Variants in ELN observed in about 807,000 individuals in gnomAD.
ELN encodes tropoelastin.
A neutral mutation model predicts 105.8 loss-of-function variants in ELN; 65 were observed. That is an observed-to-expected ratio of 0.61 (90% CI 0.50 to 0.75). The LOEUF is 0.75. ELN is among the 30% of genes least tolerant of loss of function. The pLI is 0.00. For missense variants in ELN, 882 were observed against 969.4 expected, an observed-to-expected ratio of 0.91 and a Z score of 1.20; for synonymous variants, 368 against 389.2, an observed-to-expected ratio of 0.95 and a Z score of 0.64.
At chr7:74,055,948 G>A (rs577441686) in intron 19 of ELN, among the ~76,000 whole-genome samples, 4 of 151,794 alleles carry the variant, frequency 2.6e-5, no homozygotes, top group East Asian at 1.9e-4. Context: ...CACCACGCCC[G>A]GCTAATTTTT....
At chr7:74,052,063 G>T in intron 17 of ELN, 80 bp downstream of exon 17, 1 of 1,554,400 alleles carries the variant, frequency 6.4e-7, no homozygotes, top group South Asian at 1.1e-5. Flanking sequence ...AAGCCAGATG[G>T]ACTTGGCCTT....
intron 5 of ELN, 21 bp from the exon 6 acceptor site, chr7:74,042,593 A>G: frequency 6.2e-7 from 1 of 1,610,944 alleles, no homozygotes. Flanking sequence ...TCAGGACCTC[A>G]CCCCATCCTC....
chr7:74,056,771 C>T, intron 21 of ELN, 58 bp downstream of exon 21: 2 of 1,610,614 alleles, frequency 1.2e-6, no homozygotes, highest in South Asian at 1.1e-5. Flanking sequence ...GCTCAGGGTC[C>T]AACCTCAGGG....
At position 74,041,247 on chromosome 7, in the gene ELN, G is replaced by C; in HGVS notation, c.228G>C (p.Gly76=). 6.2e-7 allele frequency: 1 copy of C among 1,613,990 alleles called. No homozygotes were observed. Among genetic ancestry groups the C allele is most frequent in the Non-Finnish European group, 8.5e-7 (1 of 1,179,902 alleles). Residue 76 remains glycine, a synonymous_variant, in exon 5 of 33, where the codon GGG becomes GGC. Coordinates refer to ENST00000252034, the MANE Select transcript of ELN (RefSeq NM_000501.4). ...GAGGGCTTGCGGGTGCTGGCCTTGGGGCAGGTGAGTGCTGACACCCAAGAA... is the reference window on the plus strand; with the variant it reads ...GAGGGCTTGCGGGTGCTGGCCTTGGCGCAGGTGAGTGCTGACACCCAAGAA... ...VPGGLAGAGL[G]AGLGAFPAVT...
rs575432264 is a variant in ELN, at chr7:74,041,944, T to G, written c.233-670T>G. ...TAGTAGAGACGGGGTTTCACCATGT[T>G]GGCCAGGCTGGTCTCGAACTCCTGG... On this transcript the variant is annotated intron_variant, in intron 5 of 32. Coordinates refer to ENST00000252034, the MANE Select transcript of ELN (RefSeq NM_000501.4). Among the ~76,000 whole-genome samples the G allele has an allele frequency of 3.9e-5, 6 of 152,086 alleles. No homozygotes were observed. In the South Asian group the frequency reaches 1.2e-3, roughly 32 times the overall value.
intron 22 of ELN, among the ~76,000 whole-genome samples, chr7:74,058,548 G>C: frequency 6.6e-6 from 1 of 152,038 alleles, no homozygotes; most frequent in South Asian, 2.1e-4. Flanking sequence ...AGCGACAGCG[G>C]TCTCACTATG....
chr7:74,065,835 A>G (rs1554688760), intron 30 of ELN, 103 bp downstream of exon 30: 2 of 1,608,810 alleles, frequency 1.2e-6, no homozygotes, highest in East Asian at 4.5e-5. Flanking sequence ...GGCTCCCCCT[A>G]CCCCTGAAGA....
chr7:74,029,113 G>A (rs901218973), intron 1 of ELN, among the ~76,000 whole-genome samples: 3 of 152,178 alleles, frequency 2.0e-5, no homozygotes, highest in African/African-American at 7.2e-5. Flanking sequence ...CAGACATGTA[G>A]ACATGTACAC....
At chr7:74,068,500 T>G (rs1584075144) in intron 32 of ELN, among the ~76,000 whole-genome samples, 157 bp from the exon 33 acceptor site, 4 of 152,208 alleles carry the variant, frequency 2.6e-5, no homozygotes, top group African/African-American at 9.6e-5. Context: ...CCAGTGGAAG[T>G]TGATGGCATG....
At chr7:74,044,134 G>A (rs1053669239) in intron 9 of ELN, among the ~76,000 whole-genome samples, 1 of 152,016 alleles carries the variant, frequency 6.6e-6, no homozygotes, top group African/African-American at 2.4e-5. Context: ...CCAGCTACTC[G>A]GGAGGCTGAG....
At chr7:74,036,243 G>A (rs1289815783) in intron 2 of ELN, among the ~76,000 whole-genome samples, 10 of 151,908 alleles carry the variant, frequency 6.6e-5, no homozygotes, top group Non-Finnish European at 8.8e-5. Context: ...ACAGTGAGCC[G>A]AGATCGCGCC....
Position 74,069,074 on chromosome 7 carries a change from T to A in ELN, c.*374T>A. On this transcript the variant is annotated 3_prime_UTR_variant, in exon 33 of 33. Transcript: ENST00000252034. Reference sequence around the variant, plus strand: ...GTGGCCCCTCGGGGAACCCCCTACCTGGGGCTCCTCTAAAGATGGTGCAGA... The same window carrying A: ...GTGGCCCCTCGGGGAACCCCCTACCAGGGGCTCCTCTAAAGATGGTGCAGA... The A allele has an allele frequency of 2.5e-6, 1 of 408,024 alleles. No individual in the cohort carries two copies. Among genetic ancestry groups the A allele is most frequent in the Non-Finnish European group, 4.6e-6 (1 of 216,750 alleles). 25.3% of individuals were successfully genotyped at this position (408,024 alleles called of 1,614,324 possible).
chr7:74,046,037 G>T, intron 10 of ELN, 151 bp from the exon 11 acceptor site: 1 of 1,126,476 alleles, frequency 8.9e-7, no homozygotes. Context: ...CTCCATCTCC[G>T]AAAAAAGAAA....
At chr7:74,046,060 T>C (rs1554671895) in intron 10 of ELN, 128 bp from the exon 11 acceptor site, 7 of 1,302,214 alleles carry the variant, frequency 5.4e-6, no homozygotes, top group African/African-American at 4.4e-5. Flanking sequence ...CCAGAGTTCA[T>C]GTGAGCGCAG....
At position 74,069,068 on chromosome 7, in the gene ELN, C is replaced by T; in HGVS notation, c.*368C>T. On this transcript the variant is annotated 3_prime_UTR_variant, in exon 33 of 33. Transcript: ENST00000252034. ...GGAAGGGTGGCCCCTCGGGGAACCC[C>T]CTACCTGGGGCTCCTCTAAAGATGG... The T allele has an allele frequency of 2.4e-6, 1 of 412,810 alleles. No homozygotes were observed. The highest frequency in any genetic ancestry group is 4.6e-6 in the Non-Finnish European group (1 of 219,740). 25.6% of individuals were successfully genotyped at this position (412,810 alleles called of 1,614,324 possible).
intron 15 of ELN, among the ~76,000 whole-genome samples, chr7:74,049,447 C>A (rs1313555545): frequency 4.0e-5 from 6 of 151,276 alleles, no homozygotes; most frequent in Non-Finnish European, 8.8e-5. Flanking sequence ...TTTATCCATC[C>A]ATCACTCCCT....
chr7:74,055,352 G>A (rs913191319), intron 19 of ELN, among the ~76,000 whole-genome samples: 1 of 151,786 alleles, frequency 6.6e-6, no homozygotes, highest in African/African-American at 2.4e-5. Context: ...AAGGCAGGAG[G>A]ATTGCTTGAG....
chr7:74,045,520 C>G (rs971170165), intron 10 of ELN, among the ~76,000 whole-genome samples: 1 of 152,110 alleles, frequency 6.6e-6, no homozygotes, highest in Non-Finnish European at 1.5e-5. Flanking sequence ...GGGAGGATCG[C>G]TTGAGCCCAG....
chr7:74,044,301 C>G (rs782411112), intron 9 of ELN, among the ~76,000 whole-genome samples: 2 of 151,940 alleles, frequency 1.3e-5, no homozygotes, highest in African/African-American at 2.4e-5. Context: ...TAGTACCCCC[C>G]TCGCCTCCCC....
Sources: gnomAD v4.1 joint callset for allele counts (sites outside exome capture counted in the v4.1 genomes callset) on GRCh38, gnomAD v4.1.1 for gene constraint, MANE v1.5 for transcripts, NCBI Gene and HGNC (gene_info 2026-07-23, HGNC 2026-07-21) for gene names.